The following BNC2 variants were observed in gnomAD, a reference collection of about 807,000 sequenced individuals.
The protein encoded by BNC2 is zinc finger protein basonuclin-2.
In BNC2, 20 loss-of-function variants were observed where a neutral mutation model predicts 76.3. The ratio of observed to expected loss-of-function variants is 0.26; its 90% CI spans 0.18 to 0.38. The LOEUF is 0.38. Among genes scored for constraint, BNC2 ranks in the 10% least tolerant of loss-of-function variants. BNC2 has a pLI of 1.00. For missense variants in BNC2, 1,382 were observed against 1,399.8 expected (o/e 0.99, Z 0.20); for synonymous variants, 582 against 514.8 (o/e 1.13, Z -1.77).
intron 1 of BNC2, among the ~76,000 whole-genome samples, chr9:16,858,792 G>C (rs1014458301): frequency 2.0e-5 from 3 of 151,750 alleles, no homozygotes; most frequent in Non-Finnish European, 4.4e-5. Context: ...TTTGCAGTGA[G>C]CCAAGATTGC....
intron 5 of BNC2, among the ~76,000 whole-genome samples, chr9:16,517,324 A>G (rs1817471889): frequency 6.6e-6 from 1 of 152,292 alleles, no homozygotes; most frequent in South Asian, 2.1e-4. Context: ...ATGTTAGTCA[A>G]TCTTAACAGA....
At chr9:16,637,280 C>G (rs945800) in intron 3 of BNC2, among the ~76,000 whole-genome samples, 152,335 of 152,336 alleles carry the variant, frequency 1, 76,167 homozygotes, top group Middle Eastern at 1. Context: ...AATTTAAAAG[C>G]AAACTGCCCC....
chr9:16,444,106 C>T (rs1352632331), intron 5 of BNC2, among the ~76,000 whole-genome samples: 1 of 152,188 alleles, frequency 6.6e-6, no homozygotes, highest in Admixed American at 6.5e-5. Flanking sequence ...ACGGCCAAAT[C>T]ACAGGCACAC....
intron 5 of BNC2, among the ~76,000 whole-genome samples, chr9:16,446,954 G>C (rs751872361): frequency 3.3e-5 from 5 of 151,998 alleles, no homozygotes; most frequent in African/African-American, 1.2e-4. Context: ...AATAAAGCAG[G>C]TGCCTTGCTT....
chr9:16,518,615 GTTT>G (rs1817515296), intron 5 of BNC2, among the ~76,000 whole-genome samples: 1 of 150,436 alleles, frequency 6.6e-6, no homozygotes, highest in Non-Finnish European at 1.5e-5. Flanking sequence ...TTTGTTTTTT[GTTT>G]TTTGTTTTGT....
chr9:16,665,266 A>C, intron 3 of BNC2: 4 of 352,340 alleles, frequency 1.1e-5, no homozygotes, highest in Non-Finnish European at 2.2e-5. Flanking sequence ...GCTACTCCAG[A>C]GGCTGAGGCA....
At chr9:16,591,722 G>A (rs569470880) in intron 3 of BNC2, among the ~76,000 whole-genome samples, 1 of 152,150 alleles carries the variant, frequency 6.6e-6, no homozygotes, top group South Asian at 2.1e-4. Context: ...AAACAATGAA[G>A]TTATTCTGTC....
chr9:16,808,597 T>C (rs1277347664), intron 1 of BNC2, among the ~76,000 whole-genome samples: 1 of 147,332 alleles, frequency 6.8e-6, no homozygotes, highest in Non-Finnish European at 1.5e-5. Flanking sequence ...CAAGTGATCC[T>C]CCCACCTCGG....
intron 4 of BNC2, among the ~76,000 whole-genome samples, chr9:16,565,959 A>G (rs756793403): frequency 6.6e-6 from 1 of 150,598 alleles, no homozygotes; most frequent in African/African-American, 2.5e-5. Flanking sequence ...GAGAAGAACC[A>G]AGATGACGCC....
intron 1 of BNC2, among the ~76,000 whole-genome samples, chr9:16,826,364 C>T (rs1045164158): frequency 6.6e-6 from 1 of 151,998 alleles, no homozygotes; most frequent in African/African-American, 2.4e-5. Context: ...AGCTGTCAGA[C>T]TGTAACAAAA....
At chr9:16,713,836 AGGC>A (rs2134759728) in intron 3 of BNC2, among the ~76,000 whole-genome samples, 1 of 152,258 alleles carries the variant, frequency 6.6e-6, no homozygotes, top group South Asian at 2.1e-4. Flanking sequence ...GCACTTTGGG[AGGC>A]TGAGGTGGGC....
At chr9:16,462,372 T>A (rs1315424004) in intron 5 of BNC2, among the ~76,000 whole-genome samples, 3 of 152,226 alleles carry the variant, frequency 2.0e-5, no homozygotes, top group Non-Finnish European at 4.4e-5. Flanking sequence ...TATATTGAGA[T>A]AAAGCACCTA....
chr9:16,537,704 G>A (rs1403096554), intron 5 of BNC2, among the ~76,000 whole-genome samples: 1 of 152,106 alleles, frequency 6.6e-6, no homozygotes, highest in Admixed American at 6.5e-5. Context: ...CAGACTCATA[G>A]CAAGGCATAT....
intron 3 of BNC2, among the ~76,000 whole-genome samples, chr9:16,672,556 G>A (rs896722534): frequency 6.6e-6 from 1 of 152,098 alleles, no homozygotes; most frequent in Non-Finnish European, 1.5e-5. Flanking sequence ...AATCCTAACT[G>A]TTCAGGACAA....
At chr9:16,555,688 G>A (rs1818808901) in intron 4 of BNC2, among the ~76,000 whole-genome samples, 1 of 152,030 alleles carries the variant, frequency 6.6e-6, no homozygotes, top group Admixed American at 6.6e-5. Flanking sequence ...CCAGCTACTC[G>A]GGATGCTGGA....
intron 1 of BNC2, among the ~76,000 whole-genome samples, chr9:16,830,772 T>G (rs1469362887): frequency 6.6e-6 from 1 of 152,184 alleles, no homozygotes; most frequent in Non-Finnish European, 1.5e-5. Flanking sequence ...ACATGAAAAA[T>G]TATTATTTGA....
intron 1 of BNC2, among the ~76,000 whole-genome samples, chr9:16,841,389 T>C (rs1421882899): frequency 6.6e-6 from 1 of 152,212 alleles, no homozygotes; most frequent in African/African-American, 2.4e-5. Flanking sequence ...ACACTGCCTA[T>C]GCTACTTCCA....
intron 3 of BNC2, among the ~76,000 whole-genome samples, chr9:16,724,717 A>C (rs1277260642): frequency 6.6e-6 from 1 of 152,154 alleles, no homozygotes; most frequent in Non-Finnish European, 1.5e-5. Context: ...TGCTCATATG[A>C]AACAAAAGAC....
At chr9:16,425,640 C>T (rs550844464) in intron 6 of BNC2, among the ~76,000 whole-genome samples, 16 of 152,152 alleles carry the variant, frequency 1.1e-4, no homozygotes, top group Non-Finnish European at 2.2e-4. Flanking sequence ...GAAAGCATGA[C>T]ATATATGGAA....
Sources: allele counts gnomAD v4.1 joint callset (sites outside exome capture counted in the v4.1 genomes callset), GRCh38; gene constraint gnomAD v4.1.1; transcripts MANE v1.5; gene names NCBI Gene and HGNC (gene_info 2026-07-23, HGNC 2026-07-21).